EGLN1: variants seen among roughly 807,000 people sequenced by gnomAD.
The protein encoded by EGLN1 is egl-9 family hypoxia inducible factor 1, also known as egl nine homolog 1.
A neutral mutation model predicts 38.3 loss-of-function variants in EGLN1; 17 were observed. The observed-to-expected ratio is 0.44, with a 90% CI of 0.30 to 0.67. The LOEUF is 0.67. Ranked by LOEUF, EGLN1 falls within the 30% of genes least tolerant of loss-of-function variation. The pLI is 0.08. For missense variants in EGLN1, 477 were observed against 603.3 expected (o/e 0.79, Z 2.19); for synonymous variants, 283 against 257.5 (o/e 1.10, Z -0.95).
chr1:231,369,160 C>A (rs138813666), intron 3 of EGLN1, among the ~76,000 whole-genome samples: 145 of 152,202 alleles, frequency 9.5e-4, no homozygotes, highest in African/African-American at 3.3e-3. Flanking sequence ...TGAACAACTA[C>A]GCCTTTTCCC....
At chr1:231,372,758 A>G (rs1024632325) in intron 2 of EGLN1, among the ~76,000 whole-genome samples, 1 of 152,244 alleles carries the variant, frequency 6.6e-6, no homozygotes, top group African/African-American at 2.4e-5. Flanking sequence ...AGTGTGTTTT[A>G]GAAAGATTAG....
chr1:231,379,026 T>C (rs1688020671), intron 1 of EGLN1, among the ~76,000 whole-genome samples: 1 of 151,904 alleles, frequency 6.6e-6, no homozygotes, highest in Non-Finnish European at 1.5e-5. Flanking sequence ...AGGCACAATT[T>C]CTCCCCCCAT....
Position 231,372,398 on chromosome 1 carries a change from C to G in EGLN1, c.1011+1582G>C, listed in dbSNP as rs537839345. ...CTAGGGACGTTTCTCTGCCTATGTC[C>G]TAATTTAAAACCTACACATTAATGA... On this transcript the variant is annotated intron_variant, in intron 2 of 4. Transcript: ENST00000366641. 3.3e-5 allele frequency among the ~76,000 whole-genome samples: 5 copies of G among 152,236 alleles called. No homozygotes were observed. In the South Asian group the frequency reaches 1.0e-3, roughly 32 times the overall value.
In EGLN1 at chr1:231,374,089, G is replaced by A; in HGVS notation, c.902C>T (p.Ala301Val). Residue 301 changes from alanine to valine, a missense_variant, in exon 2 of 5, where the codon GCT becomes GTT. Coordinates refer to ENST00000366641, the MANE Select transcript of EGLN1 (RefSeq NM_022051.3). ...ACCCGTTCCATTGCCCGGATAACAA[G>A]CAACCATGGCCTGTAATAATGATAA... ...KINGRTKAMVACYPGNGTGYV... is the reference protein window; with the variant it reads ...KINGRTKAMVVCYPGNGTGYV... 1 of 1,613,346 alleles carries A rather than the reference G, an allele frequency of 6.2e-7. No homozygotes were observed. Among genetic ancestry groups the A allele is most frequent in the Non-Finnish European group, 8.5e-7 (1 of 1,179,442 alleles).
chr1:231,370,732 A>G lies in EGLN1; in HGVS notation c.1012-34T>C, dbSNP rs11808993. On this transcript the variant is annotated intron_variant, in intron 2 of 4. Transcript: ENST00000366641. The stretch of plus-strand genomic sequence containing the variant: ...AGAGCCAAATATGTAAGCAGGAGTA[A>G]CCAAAAATGCTACAAGATTAAATTT... 2.5e-3 allele frequency: 4,080 copies of G among 1,613,020 alleles called. 5 individuals carry two copies. Among genetic ancestry groups the G allele is most frequent in the Non-Finnish European group, 3.2e-3 (3,805 of 1,179,066 alleles).
intron 1 of EGLN1, 150 bp downstream of exon 1, chr1:231,420,848 G>T (rs1243333387): frequency 6.7e-7 from 1 of 1,496,922 alleles, no homozygotes. Flanking sequence ...TACAAATTCT[G>T]TCCGTCTTCC....
chr1:231,384,169 C>T (rs188365305), intron 1 of EGLN1, among the ~76,000 whole-genome samples: 1 of 152,002 alleles, frequency 6.6e-6, no homozygotes. Flanking sequence ...AGAGAAAGAA[C>T]TCATTTAAAA....
In EGLN1 at chr1:231,374,112, T is replaced by C. The variant is rs528412168; in HGVS notation, c.892-13A>G. On this transcript the variant is annotated splice_polypyrimidine_tract_variant and intron_variant, in intron 1 of 4. Coordinates refer to ENST00000366641, the MANE Select transcript of EGLN1 (RefSeq NM_022051.3). ...AAGCAACCATGGCCTGTAATAATGA[T>C]AATAATGATTATTAAAGTCCATGTA... The C allele has an allele frequency of 1.4e-5, 22 of 1,611,658 alleles. No homozygotes were observed. Among genetic ancestry groups the C allele is most frequent in the Non-Finnish European group, 1.8e-5 (21 of 1,178,092 alleles).
In EGLN1 at chr1:231,364,334, A is replaced by C. The variant is rs1255741480; in HGVS notation, c.*2077T>G. On this transcript the variant is annotated 3_prime_UTR_variant, in exon 5 of 5. Coordinates refer to ENST00000366641, the MANE Select transcript of EGLN1 (RefSeq NM_022051.3). ...AAAACAATTTCTACTAACCCTAAAA[A>C]AGATAATGCTTTTGAGTTGTGGCCT... 3 of 152,192 alleles carry C rather than the reference A, an allele frequency of 2.0e-5. No individual in the cohort carries two copies. Among genetic ancestry groups the C allele is most frequent in the Non-Finnish European group, 4.4e-5 (3 of 68,044 alleles). The allele number at this position is 152,192 out of a possible 1,614,324, so 9.4% of individuals were successfully genotyped here.
At chr1:231,403,727 C>T (rs1476232276) in intron 1 of EGLN1, among the ~76,000 whole-genome samples, 2 of 132,218 alleles carry the variant, frequency 1.5e-5, no homozygotes, top group Middle Eastern at 4.5e-3. Flanking sequence ...TGCAGTGAGC[C>T]ACTGCACTCC....
chr1:231,407,475 A>T (rs1242468746), intron 1 of EGLN1, among the ~76,000 whole-genome samples: 2 of 152,206 alleles, frequency 1.3e-5, no homozygotes, highest in Non-Finnish European at 2.9e-5. Flanking sequence ...TTTACTCTGC[A>T]CATCAACGTG....
intron 1 of EGLN1, among the ~76,000 whole-genome samples, chr1:231,378,910 T>G (rs1688018437): frequency 6.6e-6 from 1 of 152,314 alleles, no homozygotes; most frequent in East Asian, 1.9e-4. Context: ...GCACTATGCT[T>G]TGACATAGCA....
intron 3 of EGLN1, among the ~76,000 whole-genome samples, chr1:231,370,279 A>G (rs1687782511): frequency 6.6e-6 from 1 of 152,214 alleles, no homozygotes; most frequent in South Asian, 2.1e-4. Flanking sequence ...AGATGCACAA[A>G]GCACGGAGAG....
At chr1:231,381,842 G>A (rs939531526) in intron 1 of EGLN1, among the ~76,000 whole-genome samples, 1 of 152,186 alleles carries the variant, frequency 6.6e-6, no homozygotes, top group Admixed American at 6.5e-5. Flanking sequence ...GCAGGGCTCT[G>A]TATTTATATC....
chr1:231,406,481 T>A (rs1429002355), intron 1 of EGLN1, among the ~76,000 whole-genome samples: 1 of 152,064 alleles, frequency 6.6e-6, no homozygotes, highest in Non-Finnish European at 1.5e-5. Flanking sequence ...TTAACTTTGT[T>A]TTGTTCTATA....
intron 3 of EGLN1, among the ~76,000 whole-genome samples, chr1:231,369,346 A>G (rs574951820): frequency 5.1e-4 from 77 of 152,292 alleles, no homozygotes; most frequent in African/African-American, 1.2e-3. Context: ...ACTCCCAAGT[A>G]TCTGTTATTT....
At chr1:231,407,007 T>C (rs1688815560) in intron 1 of EGLN1, among the ~76,000 whole-genome samples, 1 of 152,190 alleles carries the variant, frequency 6.6e-6, no homozygotes, top group African/African-American at 2.4e-5. Flanking sequence ...ATAAATCATC[T>C]GTGGTAAATA....
chr1:231,407,943 G>A (rs1454445362), intron 1 of EGLN1, among the ~76,000 whole-genome samples: 2 of 152,112 alleles, frequency 1.3e-5, no homozygotes, highest in Non-Finnish European at 2.9e-5. Context: ...GAAATCGGAT[G>A]GAAAGGTGGT....
At chr1:231,372,141 C>A (rs1687839378) in intron 2 of EGLN1, among the ~76,000 whole-genome samples, 2 of 152,232 alleles carry the variant, frequency 1.3e-5, no homozygotes, top group Non-Finnish European at 2.9e-5. Flanking sequence ...GACACTTCCA[C>A]TCTTCCTCCT....
Sources: allele counts gnomAD v4.1 joint callset (sites outside exome capture counted in the v4.1 genomes callset), GRCh38; gene constraint gnomAD v4.1.1; transcripts MANE v1.5; gene names NCBI Gene and HGNC (gene_info 2026-07-23, HGNC 2026-07-21).